SHROOM4: variants seen among roughly 807,000 people sequenced by gnomAD.
The protein encoded by SHROOM4 is shroom family member 4, also known as protein Shroom4.
Under a neutral mutation model 80.3 loss-of-function variants are expected in SHROOM4, and 17 were observed. That is an observed-to-expected ratio of 0.21 (90% CI 0.14 to 0.32). The LOEUF (loss-of-function observed/expected upper bound fraction) is 0.32, where lower values mean the gene tolerates loss of function less well. Among genes scored for constraint, SHROOM4 ranks in the 10% least tolerant of loss-of-function variants. The pLI is 1.00. For missense variants in SHROOM4, 993 were observed against 1,140.3 expected, an observed-to-expected ratio of 0.87 and a Z score of 1.86; for synonymous variants, 400 against 437.5, an observed-to-expected ratio of 0.91 and a Z score of 1.07.
At chrX:50,813,070 C>G (rs1368991678) in intron 1 of SHROOM4, among the ~76,000 whole-genome samples, 5 of 110,752 alleles carry the variant, frequency 4.5e-5, no homozygotes, top group African/African-American at 1.3e-4. Flanking sequence ...AGGAGAGCTC[C>G]TCTCTCCTGT....
intron 2 of SHROOM4, among the ~76,000 whole-genome samples, chrX:50,663,289 G>T (rs782534764): frequency 9.7e-4 from 108 of 111,806 alleles, no homozygotes; most frequent in Non-Finnish European, 1.8e-3. Flanking sequence ...ATCCTTAAAG[G>T]TCTGACTGGC....
intron 2 of SHROOM4, among the ~76,000 whole-genome samples, chrX:50,664,021 C>T (rs1932606396): frequency 8.9e-6 from 1 of 112,057 alleles, no homozygotes; most frequent in African/African-American, 3.2e-5. Context: ...TTGGAAAATG[C>T]CTTTTTAAAA....
chrX:50,725,551 C>T (rs897810404), intron 1 of SHROOM4, among the ~76,000 whole-genome samples: 2 of 112,406 alleles, frequency 1.8e-5, no homozygotes, highest in African/African-American at 3.2e-5. Context: ...TGGACCATGA[C>T]GGCAGTCTCT....
intron 1 of SHROOM4, among the ~76,000 whole-genome samples, chrX:50,722,539 G>C (rs182421734): frequency 1.5e-4 from 17 of 110,654 alleles, no homozygotes; most frequent in African/African-American, 3.9e-4. Context: ...GCATTTAATG[G>C]GTAAAGGCAG....
chrX:50,632,376 G>T (rs1931108770), intron 4 of SHROOM4, among the ~76,000 whole-genome samples: 1 of 112,187 alleles, frequency 8.9e-6, no homozygotes, highest in Non-Finnish European at 1.9e-5. Flanking sequence ...TTAACTTCTG[G>T]TTTGAATGCA....
chrX:50,802,066 ATCACT>A (rs1936133977), intron 1 of SHROOM4, among the ~76,000 whole-genome samples: 1 of 112,112 alleles, frequency 8.9e-6, no homozygotes, highest in Admixed American at 9.5e-5. Context: ...AGTGATTCCT[ATCACT>A]TCAAGTTCTA....
chrX:50,794,721 C>A (rs143866127), intron 1 of SHROOM4, among the ~76,000 whole-genome samples: 1,769 of 107,083 alleles, frequency 0.017, 22 homozygotes, highest in Middle Eastern at 0.049. Flanking sequence ...GGTGAGGTAC[C>A]TACCTACCTA....
intron 1 of SHROOM4, among the ~76,000 whole-genome samples, chrX:50,740,379 A>G (rs1037976137): frequency 8.9e-6 from 1 of 112,082 alleles, no homozygotes; most frequent in Admixed American, 9.5e-5. Context: ...TAATGATAAA[A>G]GGGTCAATCA....
rs1557248751 is a variant in SHROOM4 at position 50,607,557 on chromosome X, T to A, written c.3585A>T (p.Arg1195Ser). The A allele has an allele frequency of 8.3e-7, 1 of 1,211,115 alleles. No individual in the cohort carries two copies. The part of the protein sequence containing the change: ...PLSFGHLEGS[R>S]QGSQSVPAEQ... ...CTGCTGGGACACTTTGTGAACCCTG[T>A]CTCGAGCCCTCCAGGTGGCCAAAGC... The change falls in exon 6 of 9, where the codon AGA becomes AGT. Residue 1195 changes from arginine to serine, a missense_variant. Coordinates refer to ENST00000376020, the MANE Select transcript of SHROOM4 (RefSeq NM_020717.5).
At chrX:50,618,090 C>T (rs1288491615) in intron 5 of SHROOM4, among the ~76,000 whole-genome samples, 1 of 111,222 alleles carries the variant, frequency 9.0e-6, no homozygotes, top group Non-Finnish European at 1.9e-5. Flanking sequence ...AGGGTGTCAG[C>T]CTCAAGCCAA....
chrX:50,667,416 G>T (rs150838634), intron 2 of SHROOM4, among the ~76,000 whole-genome samples: 1,593 of 110,846 alleles, frequency 0.014, 30 homozygotes, highest in African/African-American at 0.049. Flanking sequence ...GATATGGGGA[G>T]GTAATACTTA....
intron 2 of SHROOM4, among the ~76,000 whole-genome samples, chrX:50,688,401 G>A (rs1258938403): frequency 3.6e-5 from 4 of 111,165 alleles, no homozygotes; most frequent in Non-Finnish European, 7.5e-5. Context: ...GTGTTATTCA[G>A]CCATAAAAAG....
chrX:50,715,548 C>T (rs1435883508), intron 1 of SHROOM4, among the ~76,000 whole-genome samples: 5 of 112,041 alleles, frequency 4.5e-5, no homozygotes, highest in Non-Finnish European at 9.4e-5. Context: ...AAACATTCCT[C>T]AAAAGAAGAC....
chrX:50,620,190 C>T (rs939699701), intron 5 of SHROOM4, among the ~76,000 whole-genome samples: 25 of 111,998 alleles, frequency 2.2e-4, no homozygotes, highest in African/African-American at 7.8e-4. Flanking sequence ...CTAAAGAACA[C>T]CATGTACATT....
In SHROOM4 at chrX:50,738,963, G is replaced by A. The variant is rs186634693; in HGVS notation, c.118-43026C>T. On this transcript the variant is annotated intron_variant, in intron 1 of 8. Transcript: ENST00000376020. Reference sequence around the variant, plus strand: ...AGGCTACAGTAACCAAAACAGCGTGGTACTGCTACCAAAACAGAGATATAG... The same window carrying A: ...AGGCTACAGTAACCAAAACAGCGTGATACTGCTACCAAAACAGAGATATAG... 3.1e-4 allele frequency among the ~76,000 whole-genome samples: 35 copies of A among 111,730 alleles called. No individual in the cohort carries two copies. In the East Asian group the frequency reaches 8.8e-3, roughly 28 times the overall value.
At chrX:50,797,865 A>G (rs1213528296) in intron 1 of SHROOM4, among the ~76,000 whole-genome samples, 1 of 111,273 alleles carries the variant, frequency 9.0e-6, no homozygotes, top group African/African-American at 3.3e-5. Flanking sequence ...GGAAGAGTAC[A>G]CAAGGAATTG....
chrX:50,779,128 C>T (rs947350589), intron 1 of SHROOM4, among the ~76,000 whole-genome samples: 3 of 111,710 alleles, frequency 2.7e-5, no homozygotes, highest in Non-Finnish European at 5.6e-5. Flanking sequence ...TGACAGACTG[C>T]GTGCCTGAAA....
At chrX:50,691,112 C>T (rs1557262595) in intron 2 of SHROOM4, among the ~76,000 whole-genome samples, 1 of 112,052 alleles carries the variant, frequency 8.9e-6, no homozygotes, top group Non-Finnish European at 1.9e-5. Context: ...TTCAAATCTT[C>T]TAAGTACTTT....
chrX:50,677,731 AT>A (rs1557261453), intron 2 of SHROOM4, among the ~76,000 whole-genome samples: 1 of 111,552 alleles, frequency 9.0e-6, no homozygotes, highest in African/African-American at 3.3e-5. Context: ...CTATTTGTTT[AT>A]TCATCAAATA....
Sources: allele counts gnomAD v4.1 joint callset (sites outside exome capture counted in the v4.1 genomes callset), GRCh38; gene constraint gnomAD v4.1.1; transcripts MANE v1.5; gene names NCBI Gene and HGNC (gene_info 2026-07-23, HGNC 2026-07-21).